Variants in PCDHGA9 observed in about 807,000 individuals in gnomAD.
PCDHGA9 encodes the protein protocadherin gamma-A9.
A neutral mutation model predicts 62.5 loss-of-function variants in PCDHGA9; 37 were observed. The observed-to-expected ratio is 0.59, with a 90% CI of 0.46 to 0.78. The LOEUF (loss-of-function observed/expected upper bound fraction) is 0.78, where lower values mean the gene tolerates loss of function less well. Ranked by LOEUF, PCDHGA9 falls within the 30% of genes least tolerant of loss-of-function variation. The pLI is 0.00. For missense variants in PCDHGA9, 1,138 were observed against 1,166.2 expected, an observed-to-expected ratio of 0.98 and a Z score of 0.35; for synonymous variants, 459 against 484.6, an observed-to-expected ratio of 0.95 and a Z score of 0.69.
rs1354360582 is a variant in PCDHGA9 at position 141,491,147 on chromosome 5, A to T, written c.2425-3660A>T. On this transcript the variant is annotated intron_variant, in intron 1 of 3. Transcript: ENST00000573521. The surrounding 1 kb of genome is among the most constrained non-coding windows in gnomAD (Gnocchi z 6.9). ...GTGCGCACAGCCCGGGCCTTACTGG[A>T]GGATGACTCTGACACCCAGCAGGTG... The T allele has an allele frequency of 1.9e-6, 3 of 1,613,980 alleles. No homozygotes were observed. The highest frequency in any genetic ancestry group is 2.5e-6 in the Non-Finnish European group (3 of 1,179,994).
rs139344941 is a variant in PCDHGA9, at chr5:141,480,950, C to T, written c.2425-13857C>T. Among the ~76,000 whole-genome samples the T allele has an allele frequency of 6.7e-3, 1,016 of 152,086 alleles. 11 individuals carry two copies. Among genetic ancestry groups the T allele is most frequent in the African/African-American group, 0.023 (953 of 41,456 alleles). On this transcript the variant is annotated intron_variant, in intron 1 of 3. Transcript: ENST00000573521. ...GTCCCAGCTACTCTAGAGGCTGAGG[C>T]GGAAGCATCAGTGAGGGAGAATCAG...
rs2095058812 is a variant in PCDHGA9 at position 141,408,208 on chromosome 5, A to T, written c.2424+2832A>T. ...AGCGAGAACCCGAGCGAACGATGGGAGGGAGCTGCGCGCAGAGGCGCCGGG... is the reference window on the plus strand; with the variant it reads ...AGCGAGAACCCGAGCGAACGATGGGTGGGAGCTGCGCGCAGAGGCGCCGGG... On this transcript the variant is annotated intron_variant, in intron 1 of 3. Transcript: ENST00000573521. The T allele has an allele frequency of 1.9e-6, 3 of 1,553,236 alleles. No homozygotes were observed. The East Asian group carries it at 7.3e-5, about 38-fold the overall frequency.
At position 141,421,819 on chromosome 5, in the gene PCDHGA9, G is replaced by C. The variant is rs752366104; in HGVS notation, c.2424+16443G>C. The C allele has an allele frequency of 3.8e-5, 61 of 1,613,688 alleles. No homozygotes were observed. Among genetic ancestry groups the C allele is most frequent in the Non-Finnish European group, 4.9e-5 (58 of 1,179,892 alleles). ...GGCCAAGAATCCAGAGCTAGTACTG[G>C]AGGGAAGCCTGGACCGAGAGAAAGA... On this transcript the variant is annotated intron_variant, in intron 1 of 3. Coordinates refer to ENST00000573521, the MANE Select transcript of PCDHGA9 (RefSeq NM_018921.3).
intron 1 of PCDHGA9, chr5:141,428,860 CT>C (rs34152666): frequency 0.3 from 42,955 of 145,250 alleles, 7,185 homozygotes; most frequent in African/African-American, 0.5. Flanking sequence ...TTACGGGAGA[CT>C]TTTTTTTTTT....
Position 141,431,335 on chromosome 5 carries a change from C to G in PCDHGA9, c.2424+25959C>G, listed in dbSNP as rs747132346. On this transcript the variant is annotated intron_variant, in intron 1 of 3. Transcript: ENST00000573521. The surrounding 1 kb of genome is among the most constrained non-coding windows in gnomAD (Gnocchi z 4.8). ...ATGGAGCCGACGGTAGTAAGTACCC[C>G]GAATTGGTGCTGAAACGCGCCCTGG... 2 of 1,614,062 alleles carry G rather than the reference C, an allele frequency of 1.2e-6. No homozygotes were observed. Among genetic ancestry groups the G allele is most frequent in the Non-Finnish European group, 1.7e-6 (2 of 1,180,022 alleles).
intron 1 of PCDHGA9, among the ~76,000 whole-genome samples, chr5:141,478,961 C>T (rs887338339): frequency 6.6e-6 from 1 of 152,206 alleles, no homozygotes; most frequent in Non-Finnish European, 1.5e-5. Context: ...CCTCATTCCT[C>T]CACCTTTCAA....
intron 3 of PCDHGA9, among the ~76,000 whole-genome samples, chr5:141,506,349 T>A (rs894933059): frequency 8.0e-5 from 12 of 150,304 alleles, no homozygotes; most frequent in Admixed American, 2.7e-4. Context: ...CTTGGGAGGC[T>A]GAGGCAGGAG....
At chr5:141,467,348 C>T (rs1182432500) in intron 1 of PCDHGA9, among the ~76,000 whole-genome samples, 5 of 152,142 alleles carry the variant, frequency 3.3e-5, no homozygotes, top group African/African-American at 9.7e-5. Context: ...CCACTGCCCC[C>T]GGCCAAATCA....
At chr5:141,449,349 G>A (rs191322076) in intron 1 of PCDHGA9, among the ~76,000 whole-genome samples, 2 of 151,956 alleles carry the variant, frequency 1.3e-5, no homozygotes, top group African/African-American at 4.8e-5. Flanking sequence ...GCTCACTCCT[G>A]TAATCCCAGC....
rs951502238 is a variant in PCDHGA9 at position 141,478,263 on chromosome 5, A to G, written c.2425-16544A>G. ...ACAGTGTTCGGAGTAATCATATTCA[A>G]AGTTTACAAGTGGAAGCAGTCTAGA... On this transcript the variant is annotated intron_variant, in intron 1 of 3. Coordinates refer to ENST00000573521, the MANE Select transcript of PCDHGA9 (RefSeq NM_018921.3). The G allele has an allele frequency of 2.5e-6, 4 of 1,614,046 alleles. No individual in the cohort carries two copies. The African/African-American group carries it at 5.3e-5, about 22-fold the overall frequency.
chr5:141,491,954 C>CA lies in PCDHGA9; in HGVS notation c.2425-2847dup. 1 of 1,032,920 alleles carries CA rather than the reference C, an allele frequency of 9.7e-7. No homozygotes were observed. Among genetic ancestry groups the CA allele is most frequent in the Non-Finnish European group, 1.3e-6 (1 of 747,262 alleles). 64.0% of individuals were successfully genotyped at this position (1,032,920 alleles called of 1,614,324 possible). A position where few individuals can be genotyped will look rare whatever the true frequency, so the allele number is the denominator to read the frequency against. ...TGGGACCGACCCCCACCCCTACACTCAAAAAAGGCCGGGGCCTCCTTCGAG... is the reference window on the plus strand; with the variant it reads ...TGGGACCGACCCCCACCCCTACACTCAAAAAAAGGCCGGGGCCTCCTTCGAG... On this transcript the variant is annotated intron_variant, in intron 1 of 3. Coordinates refer to ENST00000573521, the MANE Select transcript of PCDHGA9 (RefSeq NM_018921.3). This position sits in a 1 kb window ranked among gnomAD's most constrained non-coding sequence, Gnocchi z 6.9.
chr5:141,470,023 G>A (rs1258101057), intron 1 of PCDHGA9, among the ~76,000 whole-genome samples: 1 of 152,110 alleles, frequency 6.6e-6, no homozygotes, highest in Admixed American at 6.6e-5. Context: ...CAGCTACTCG[G>A]GATGCTGAGG....
chr5:141,499,104 C>A (rs2099789508), intron 2 of PCDHGA9, among the ~76,000 whole-genome samples: 1 of 152,120 alleles, frequency 6.6e-6, no homozygotes, highest in African/African-American at 2.4e-5. Flanking sequence ...CTTCTCCTCC[C>A]CACCACTATC....
intron 1 of PCDHGA9, among the ~76,000 whole-genome samples, chr5:141,444,466 C>A (rs539222916): frequency 1.3e-5 from 2 of 151,982 alleles, no homozygotes; most frequent in African/African-American, 4.8e-5. Flanking sequence ...TCACTGCGCC[C>A]GGTCGCGTAC....
At chr5:141,437,778 G>C (rs750813139) in intron 1 of PCDHGA9, among the ~76,000 whole-genome samples, 1 of 146,836 alleles carries the variant, frequency 6.8e-6, no homozygotes, top group Non-Finnish European at 1.5e-5. Flanking sequence ...TCAATCTGTC[G>C]CCAAGCTGGA....
intron 1 of PCDHGA9, chr5:141,478,150 C>T (rs569939900): frequency 6.2e-7 from 1 of 1,614,086 alleles, no homozygotes; most frequent in African/African-American, 1.3e-5. Flanking sequence ...CCGAGTTCCC[C>T]TCTGGCTCTG....
rs1396744157 is a variant in PCDHGA9 at position 141,432,439 on chromosome 5, C to G, written c.2424+27063C>G. 22 of 1,614,108 alleles carry G rather than the reference C, an allele frequency of 1.4e-5. No individual in the cohort carries two copies. The highest frequency in any genetic ancestry group is 1.7e-5 in the Non-Finnish European group (20 of 1,180,052). On this transcript the variant is annotated intron_variant, in intron 1 of 3. Coordinates refer to ENST00000573521, the MANE Select transcript of PCDHGA9 (RefSeq NM_018921.3). This position sits in a 1 kb window ranked among gnomAD's most constrained non-coding sequence, Gnocchi z 6.0. ...TGCTGGACCAGAACGACAATGCGCCCGAGATCCTGTACCCCGCCCTCCCCA... is the reference window on the plus strand; with the variant it reads ...TGCTGGACCAGAACGACAATGCGCCGGAGATCCTGTACCCCGCCCTCCCCA...
At chr5:141,509,069 G>T (rs1463164307) in intron 3 of PCDHGA9, among the ~76,000 whole-genome samples, 1 of 152,174 alleles carries the variant, frequency 6.6e-6, no homozygotes, top group Non-Finnish European at 1.5e-5. Flanking sequence ...CTCAGCTCCG[G>T]GGATTTGCGA....
At chr5:141,423,790 T>C (rs1561813105) in intron 1 of PCDHGA9, 2 of 1,261,874 alleles carry the variant, frequency 1.6e-6, no homozygotes, top group Non-Finnish European at 1.0e-6. Context: ...TTCATATATA[T>C]TTAGAGCAAT....
Sources: gnomAD v4.1 joint callset for allele counts (sites outside exome capture counted in the v4.1 genomes callset) on GRCh38, gnomAD v4.1.1 for gene constraint, Gnocchi (gnomAD v3.1) non-coding constraint, MANE v1.5 for transcripts, NCBI Gene and HGNC (gene_info 2026-07-23, HGNC 2026-07-21) for gene names.